The following CNTRL variants were observed in gnomAD, a reference collection of about 807,000 sequenced individuals.
CNTRL encodes the protein centriolin, also known as 110 kDa centrosomal protein.
A neutral mutation model predicts 303.7 loss-of-function variants in CNTRL; 233 were observed. That is an observed-to-expected ratio of 0.77 (90% CI 0.69 to 0.86). CNTRL has a LOEUF of 0.86. Among genes scored for constraint, CNTRL ranks in the 40% least tolerant of loss-of-function variants. CNTRL has a pLI of 0.00. For missense variants in CNTRL, 2,524 were observed against 2,650.6 expected, an observed-to-expected ratio of 0.95 and a Z score of 1.05; for synonymous variants, 900 against 922.2, an observed-to-expected ratio of 0.98 and a Z score of 0.44.
At chr9:121,160,779 A>G (rs969174798) in intron 32 of CNTRL, among the ~76,000 whole-genome samples, 1 of 152,336 alleles carries the variant, frequency 6.6e-6, no homozygotes, top group Non-Finnish European at 1.5e-5. Context: ...CAGGAGTTCA[A>G]AACTACCTGG....
intron 9 of CNTRL, among the ~76,000 whole-genome samples, chr9:121,113,053 A>G (rs1199152720): frequency 1.3e-5 from 2 of 152,200 alleles, no homozygotes; most frequent in African/African-American, 4.8e-5. Context: ...TCCAACCAAT[A>G]TCATATGATA....
chr9:121,094,520 T>C (rs1404643998), intron 4 of CNTRL, among the ~76,000 whole-genome samples: 1 of 152,132 alleles, frequency 6.6e-6, no homozygotes, highest in Non-Finnish European at 1.5e-5. Flanking sequence ...AAATTCAACA[T>C]GAGCTTTGGA....
At chr9:121,168,765 A>G (rs1358983806) in intron 38 of CNTRL, among the ~76,000 whole-genome samples, 1 of 152,210 alleles carries the variant, frequency 6.6e-6, no homozygotes, top group Non-Finnish European at 1.5e-5. Flanking sequence ...CTTGAACCAT[A>G]TATAAATGAA....
chr9:121,097,595 A>G (rs2048943636), intron 6 of CNTRL, among the ~76,000 whole-genome samples: 1 of 152,130 alleles, frequency 6.6e-6, no homozygotes, highest in South Asian at 2.1e-4. Context: ...CAAGAGCCTC[A>G]GAGCCCAAGC....
rs767761707 is a variant in CNTRL at position 121,154,701 on chromosome 9, G to T, written c.4173-20G>T. 1 of 1,446,494 alleles carries T rather than the reference G, an allele frequency of 6.9e-7. No homozygotes were observed. The highest frequency in any genetic ancestry group is 9.7e-7 in the Non-Finnish European group (1 of 1,030,804). 89.6% of individuals were successfully genotyped at this position (1,446,494 alleles called of 1,614,324 possible). ...GTCTACATTTAACATTTTTTAATGG[G>T]TGTATATATTATTTTTTAGGGACTT... On this transcript the variant is annotated intron_variant, in intron 26 of 43. Transcript: ENST00000373855.
At chr9:121,175,353 A>C in intron 43 of CNTRL, 129 bp downstream of exon 43, 1 of 792,106 alleles carries the variant, frequency 1.3e-6, no homozygotes, top group South Asian at 1.4e-5. Flanking sequence ...TGCAGCCTTG[A>C]CCTCCCAGGC....
chr9:121,142,683 A>G (rs966462638), intron 19 of CNTRL, among the ~76,000 whole-genome samples: 1 of 152,120 alleles, frequency 6.6e-6, no homozygotes, highest in Non-Finnish European at 1.5e-5. Context: ...TCCCATTGTC[A>G]CATTCTGGAC....
At chr9:121,143,843 C>T in intron 19 of CNTRL, 60 bp from the exon 20 acceptor site, 2 of 1,374,606 alleles carry the variant, frequency 1.5e-6, no homozygotes, top group Non-Finnish European at 1.0e-6. Flanking sequence ...CTGGAGCTTA[C>T]ATCTGAATTC....
intron 11 of CNTRL, among the ~76,000 whole-genome samples, chr9:121,117,978 C>CA (rs1052166182): frequency 1.4e-3 from 168 of 121,776 alleles, no homozygotes; most frequent in Middle Eastern, 4.6e-3. Context: ...GACTCCGTCT[C>CA]AAAAAAAAAA....
rs2048900823 is a variant in CNTRL at position 121,096,578 on chromosome 9, A to C, written c.621+15A>C. 7.1e-7 allele frequency: 1 copy of C among 1,409,720 alleles called. No homozygotes were observed. Among genetic ancestry groups the C allele is most frequent in the South Asian group, 1.8e-5 (1 of 54,698 alleles). 87.3% of individuals were successfully genotyped at this position (1,409,720 alleles called of 1,614,324 possible). A position where few individuals can be genotyped will look rare whatever the true frequency, so the allele number is the denominator to read the frequency against. ...AGATATCATCGGTAAGTTATTCAAA[A>C]TAGCAGGAATTTTTAGACTTGTTAA... On this transcript the variant is annotated intron_variant, in intron 6 of 43. Transcript: ENST00000373855.
rs529412397 is a variant in CNTRL, at chr9:121,175,672, G to A, written c.6954+448G>A. The stretch of plus-strand genomic sequence containing the variant: ...GATTCAGAAAAATATAGATTATGCC[G>A]CCTTCAACTCTCTGAAAAACTTGTC... On this transcript the variant is annotated intron_variant, in intron 43 of 43. Transcript: ENST00000373855. 1.7e-3 allele frequency among the ~76,000 whole-genome samples: 264 copies of A among 152,290 alleles called. 1 individual carries two copies. Among genetic ancestry groups the A allele is most frequent in the African/African-American group, 5.9e-3 (246 of 41,546 alleles).
rs1486948003 is a variant in CNTRL, at chr9:121,112,462, A to G, written c.1006A>G (p.Lys336Glu). The G allele has an allele frequency of 6.2e-7, 1 of 1,612,688 alleles. No homozygotes were observed. Among genetic ancestry groups the G allele is most frequent in the East Asian group, 2.2e-5 (1 of 44,852 alleles). The part of the protein sequence containing the change: ...SDLNTKNELL[K>E]QKTIELTRAC... ...TCATATCAAATTGGGCCAATAGCTAAAACAGAAGACCATAGAATTAACACG... is the reference window on the plus strand; with the variant it reads ...TCATATCAAATTGGGCCAATAGCTAGAACAGAAGACCATAGAATTAACACG... Residue 336 changes from lysine to glutamate, a missense_variant, in exon 9 of 44, where the codon AAA becomes GAA. By Grantham distance (56) the Lys-to-Glu change is moderately conservative. Transcript: ENST00000373855.
Position 121,144,875 on chromosome 9 carries a change from G to A in CNTRL, c.3084G>A (p.Lys1028=), listed in dbSNP as rs879821202. The change falls in exon 21 of 44, where the codon AAG becomes AAA. Residue 1028 remains lysine (K), a synonymous_variant. Transcript: ENST00000373855. The stretch of plus-strand genomic sequence containing the variant: ...AGGAAGCAGAGAGGTTCAGCAGAAA[G>A]GCAGCACAAGCAGCCAGAGATCTCA... ...ELQEAERFSR[K]AAQAARDLTR... The A allele has an allele frequency of 6.2e-7, 1 of 1,613,286 alleles. No individual in the cohort carries two copies. Among genetic ancestry groups the A allele is most frequent in the African/African-American group, 1.3e-5 (1 of 74,888 alleles).
chr9:121,150,333 C>T lies in CNTRL; in HGVS notation c.3813C>T (p.Asn1271=), dbSNP rs779535498. ...ALYAPPPPLP[N]NSRPLTPGTV... ...ATGCACCACCTCCTCCCTTGCCAAA[C>T]AATAGCCGACCTCTCACCCCTGGCA... The change falls in exon 25 of 44, where the codon AAC becomes AAT. Residue 1271 remains asparagine (N), a synonymous_variant. Transcript: ENST00000373855. 3.8e-5 allele frequency: 62 copies of T among 1,614,052 alleles called. No individual in the cohort carries two copies. Among genetic ancestry groups the T allele is most frequent in the Non-Finnish European group, 5.2e-5 (61 of 1,180,030 alleles).
intron 17 of CNTRL, 86 bp from the exon 18 acceptor site, chr9:121,141,295 C>A: frequency 1.9e-6 from 2 of 1,075,646 alleles, no homozygotes; most frequent in Non-Finnish European, 2.8e-6. Context: ...CAGCTTTTTA[C>A]TCTGGAGCTA....
In CNTRL at chr9:121,135,847, G is replaced by A. The variant is rs773043007; in HGVS notation, c.2067G>A (p.Glu689=). The change falls in exon 15 of 44, where the codon GAG becomes GAA. Residue 689 remains glutamate, a synonymous_variant. Coordinates refer to ENST00000373855, the MANE Select transcript of CNTRL (RefSeq NM_007018.6). The part of the protein sequence containing the change: ...ELESALQEQH[E]VNASLQQTQG... ...AAAGTGCCCTCCAAGAGCAGCATGA[G>A]GTGAATGCATCTTTGCAGCAGACCC... 5.6e-6 allele frequency: 9 copies of A among 1,613,844 alleles called. No individual in the cohort carries two copies. Among genetic ancestry groups the A allele is most frequent in the Admixed American group, 1.7e-5 (1 of 59,982 alleles).
In CNTRL at chr9:121,118,416, G is replaced by A. The variant is rs75531179; in HGVS notation, c.1526G>A (p.Arg509His). The change falls in exon 12 of 44, where the codon CGC becomes CAC. Residue 509 changes from arginine to histidine, a missense_variant. By Grantham distance (29) the Arg-to-His change is conservative. Transcript: ENST00000373855. ...AGACTACAACTTGTAAATAAATTAC[G>A]CCAGGAAGCTCTGGATCTAGAACTG... is the stretch of plus-strand genomic sequence containing the variant. ...SGRLQLVNKL[R>H]QEALDLELQM... 5,629 of 1,611,778 alleles carry A rather than the reference G, an allele frequency of 3.5e-3. 176 individuals are homozygous for A. The African/African-American group carries it at 0.066, about 19-fold the overall frequency.
rs140024771 is a variant in CNTRL, at chr9:121,164,944, G to T, written c.5425G>T (p.Val1809Phe). ...WEKKLAQTKR[V>F]LAAAEENSKM... is the part of the protein sequence containing the mutation. ...AGTCTGACTTACTCTCTGTGGTAGG[G>T]TTTTAGCAGCAGCAGAAGAAAATAG... The change falls in exon 35 of 44, where the codon GTT becomes TTT. Residue 1809 changes from valine to phenylalanine, a missense_variant and splice_region_variant. Transcript: ENST00000373855. 2.5e-4 allele frequency: 410 copies of T among 1,610,972 alleles called. 3 individuals carry two copies. In the East Asian group the frequency reaches 9.1e-3, roughly 36 times the overall value.
At chr9:121,153,441 C>G (rs900513807) in intron 26 of CNTRL, among the ~76,000 whole-genome samples, 3 of 152,180 alleles carry the variant, frequency 2.0e-5, no homozygotes, top group African/African-American at 7.2e-5. Flanking sequence ...CTGCTGACCC[C>G]CTTACCTAAC....
Sources: gnomAD v4.1 joint callset for allele counts (sites outside exome capture counted in the v4.1 genomes callset) on GRCh38, gnomAD v4.1.1 for gene constraint, MANE v1.5 for transcripts, NCBI Gene and HGNC (gene_info 2026-07-23, HGNC 2026-07-21) for gene names.